Variants in EPAS1 observed in about 807,000 individuals in gnomAD.
EPAS1 encodes endothelial PAS domain protein 1, also known as endothelial PAS domain-containing protein 1.
Under a neutral mutation model 87.9 loss-of-function variants are expected in EPAS1, and 23 were observed. The observed-to-expected ratio is 0.26, with a 90% confidence interval of 0.19 to 0.37. The LOEUF (loss-of-function observed/expected upper bound fraction) is 0.37. Ranked by LOEUF, EPAS1 falls within the 10% of genes least tolerant of loss-of-function variation. The probability of loss-of-function intolerance (pLI) is 1.00; values close to 1 mark genes in which losing one functional copy is unlikely to be tolerated. For synonymous variants in EPAS1, 508 were observed against 444.3 expected, an observed-to-expected ratio of 1.14 and a Z score of -1.80; for missense variants, 1,138 against 1,120.7, an observed-to-expected ratio of 1.02 and a Z score of -0.22.
At chr2:46,306,207 A>G (rs149697904) in intron 1 of EPAS1, among the ~76,000 whole-genome samples, 1 of 152,242 alleles carries the variant, frequency 6.6e-6, no homozygotes, top group Non-Finnish European at 1.5e-5. Flanking sequence ...TTGTATTAGT[A>G]TAGTATTAAA....
At chr2:46,316,681 G>C (rs1182412246) in intron 1 of EPAS1, among the ~76,000 whole-genome samples, 8 of 152,170 alleles carry the variant, frequency 5.3e-5, no homozygotes, top group Admixed American at 4.6e-4. Context: ...CATATCGGTG[G>C]CTGCAGAACT....
chr2:46,332,406 T>C (rs886420524), intron 1 of EPAS1, among the ~76,000 whole-genome samples: 4 of 151,806 alleles, frequency 2.6e-5, no homozygotes, highest in African/African-American at 9.7e-5. Flanking sequence ...ATAAAAGTGA[T>C]TTGCAGAAAT....
At position 46,360,136 on chromosome 2, in the gene EPAS1, C is replaced by G. The variant is rs1684357793; in HGVS notation, c.455-502C>G. On this transcript the variant is annotated intron_variant, in intron 4 of 15. Transcript: ENST00000263734. This position sits in a 1 kb window ranked among gnomAD's most constrained non-coding sequence, Gnocchi z 4.5. ...GCTATTGCAGTTTGCAAATGGGGTA[C>G]AGGAGGGGTTAAATTCCTCCTGAGA... 6.6e-6 allele frequency among the ~76,000 whole-genome samples: 1 copy of G among 152,160 alleles called. No homozygotes were observed. The highest frequency in any genetic ancestry group is 2.4e-5 in the African/African-American group (1 of 41,436).
chr2:46,362,628 G>A (rs949769527), intron 6 of EPAS1, among the ~76,000 whole-genome samples: 3 of 152,114 alleles, frequency 2.0e-5, no homozygotes, highest in African/African-American at 7.2e-5. Flanking sequence ...ACATCCCAAG[G>A]GCATCTGGTT....
At chr2:46,328,894 G>T (rs1683615974) in intron 1 of EPAS1, among the ~76,000 whole-genome samples, 1 of 152,146 alleles carries the variant, frequency 6.6e-6, no homozygotes, top group South Asian at 2.1e-4. Context: ...TTTTACCCTT[G>T]TCTCATTCCC....
rs774877390 is a variant in EPAS1 at position 46,380,206 on chromosome 2, G to A, written c.1555-21G>A. ...GTCGTACCAACCCCCTTGCCTCTTT[G>A]CCGGTGCTGTCTCCCCTCAGACGGA... On this transcript the variant is annotated intron_variant, in intron 11 of 15. Transcript: ENST00000263734. This position sits in a 1 kb window ranked among gnomAD's most constrained non-coding sequence, Gnocchi z 4.4. The A allele has an allele frequency of 1.0e-5, 16 of 1,605,938 alleles. No homozygotes were observed. The highest frequency in any genetic ancestry group is 1.4e-5 in the Non-Finnish European group (16 of 1,179,950).
At chr2:46,352,147 C>T (rs1277756261) in intron 2 of EPAS1, among the ~76,000 whole-genome samples, 2 of 152,264 alleles carry the variant, frequency 1.3e-5, no homozygotes, top group Admixed American at 1.3e-4. Flanking sequence ...CTGAAGGGTC[C>T]TCGGAAGCAA....
In EPAS1 at chr2:46,380,597, A is replaced by G. The variant is rs748980552; in HGVS notation, c.1925A>G (p.Asp642Gly). The change falls in exon 12 of 16, where the codon GAT (aspartate) becomes GGT (glycine). Residue 642 changes from aspartate to glycine, a missense_variant. Around this residue, in one of 4 missense-constraint regions of EPAS1, gnomAD observed 502 missense variants for 427.1 expected, o/e 1.18. Transcript: ENST00000263734. The surrounding 1 kb of genome is among the most constrained non-coding windows in gnomAD (Gnocchi z 4.4). ...AGATCCAATACCCAGTGGCCCCCAGATCCACCATTACATTTTGGGCCCACA... is the reference window on the plus strand; with the variant it reads ...AGATCCAATACCCAGTGGCCCCCAGGTCCACCATTACATTTTGGGCCCACA... ...GGRSNTQWPP[D>G]PPLHFGPTKW... 4.3e-6 allele frequency: 7 copies of G among 1,613,910 alleles called. No individual in the cohort carries two copies. The highest frequency in any genetic ancestry group is 5.9e-6 in the Non-Finnish European group (7 of 1,179,978).
At chr2:46,305,012 C>T (rs1365768214) in intron 1 of EPAS1, among the ~76,000 whole-genome samples, 1 of 152,250 alleles carries the variant, frequency 6.6e-6, no homozygotes, top group Non-Finnish European at 1.5e-5. Context: ...TTTTCTAGTG[C>T]TGCCAAACAG....
intron 7 of EPAS1, among the ~76,000 whole-genome samples, chr2:46,373,196 A>C (rs1684664483): frequency 6.6e-6 from 1 of 152,224 alleles, no homozygotes; most frequent in South Asian, 2.1e-4. Context: ...AAGATTAGAC[A>C]AGATGATACA....
chr2:46,359,256 T>TAAAAAAAAAAAAA (rs1558601441), intron 4 of EPAS1, among the ~76,000 whole-genome samples: 1 of 16,054 alleles, frequency 6.2e-5, no homozygotes, highest in Non-Finnish European at 8.3e-5. Flanking sequence ...AGATTCTGTC[T>TAAAAAAAAAAAAA]CAAAAAAAAA....
chr2:46,382,202 C>CTTGT lies in EPAS1; in HGVS notation c.2287+115_2287+118dup, dbSNP rs1684914626. The CTTGT allele has an allele frequency of 2.6e-6, 3 of 1,147,210 alleles. No homozygotes were observed. In the Admixed American group the frequency reaches 5.9e-5, roughly 22 times the overall value. The allele number at this position is 1,147,210 out of a possible 1,614,324, so 71.1% of individuals were successfully genotyped here. On this transcript the variant is annotated intron_variant, in intron 14 of 15. Coordinates refer to ENST00000263734, the MANE Select transcript of EPAS1 (RefSeq NM_001430.5). Reference sequence around the variant, plus strand: ...ACAGGCCGTACCTGCCTCTCTGAGCCTTGTTAGAATGGGGCGATGTCCTCT... The same window carrying CTTGT: ...ACAGGCCGTACCTGCCTCTCTGAGCCTTGTTTGTTAGAATGGGGCGATGTCCTCT...
At chr2:46,317,883 C>T (rs1683373084) in intron 1 of EPAS1, among the ~76,000 whole-genome samples, 1 of 152,170 alleles carries the variant, frequency 6.6e-6, no homozygotes, top group Non-Finnish European at 1.5e-5. Context: ...TGTGACGAAC[C>T]AACCTCTGCT....
At chr2:46,341,502 C>G (rs1683912890) in intron 1 of EPAS1, among the ~76,000 whole-genome samples, 1 of 152,228 alleles carries the variant, frequency 6.6e-6, no homozygotes, top group Non-Finnish European at 1.5e-5. Context: ...TGTGTGGCAT[C>G]TATTTCACAT....
intron 1 of EPAS1, among the ~76,000 whole-genome samples, chr2:46,304,111 G>C (rs1287125783): frequency 1.3e-5 from 2 of 152,188 alleles, no homozygotes; most frequent in Non-Finnish European, 2.9e-5. Context: ...CAGTTATTTG[G>C]ATGACCTTCA....
chr2:46,374,589 T>C (rs1436863132), intron 7 of EPAS1, among the ~76,000 whole-genome samples: 9 of 152,260 alleles, frequency 5.9e-5, no homozygotes, highest in South Asian at 4.2e-4. Context: ...CCAAGAAGGA[T>C]TGTTCCTTTC....
At position 46,378,053 on chromosome 2, in the gene EPAS1, C is replaced by T. The variant is rs1472818349; in HGVS notation, c.1409C>T (p.Pro470Leu). Residue 470 changes from proline (P) to leucine (L), a missense_variant, in exon 10 of 16, where the codon CCC (proline) becomes CTC (leucine). Pro to Leu is a moderately conservative substitution (Grantham distance 98). Around this residue, in one of 4 missense-constraint regions of EPAS1, gnomAD observed 284 missense variants for 258.4 expected, o/e 1.10. Transcript: ENST00000263734. ...PQAAAPGSTT[P>L]SATSSSSSCS... ...GCAGCTGCCCCGGGCAGCACCACCC[C>T]CAGTGCCACCAGCAGCAGCAGCAGC... The T allele has an allele frequency of 2.5e-6, 4 of 1,606,956 alleles. No homozygotes were observed. Among genetic ancestry groups the T allele is most frequent in the African/African-American group, 1.3e-5 (1 of 74,766 alleles).
At chr2:46,318,860 A>G (rs902484483) in intron 1 of EPAS1, among the ~76,000 whole-genome samples, 2 of 152,242 alleles carry the variant, frequency 1.3e-5, no homozygotes, top group Admixed American at 1.3e-4. Flanking sequence ...TGCATTTTCT[A>G]TATAGCAATA....
chr2:46,304,886 T>C (rs1276842997), intron 1 of EPAS1, among the ~76,000 whole-genome samples: 1 of 152,236 alleles, frequency 6.6e-6, no homozygotes, highest in East Asian at 1.9e-4. Context: ...ATAGCTATGA[T>C]TGTTGTGATA....
Sources: gnomAD v4.1 joint callset for allele counts (sites outside exome capture counted in the v4.1 genomes callset) on GRCh38, gnomAD v4.1.1 for gene constraint, gnomAD v4.1.1 regional missense constraint, Gnocchi (gnomAD v3.1) non-coding constraint, MANE v1.5 for transcripts, NCBI Gene and HGNC (gene_info 2026-07-23, HGNC 2026-07-21) for gene names.